GOLGB1: variants seen among roughly 807,000 people sequenced by gnomAD.
GOLGB1 encodes golgin subfamily B member 1.
Under a neutral mutation model 336.9 loss-of-function variants are expected in GOLGB1, and 174 were observed. That is an observed-to-expected ratio of 0.52 (90% CI 0.46 to 0.59). GOLGB1 has a LOEUF of 0.59. GOLGB1 is among the 20% of genes least tolerant of loss of function. GOLGB1 has a pLI of 0.00. For missense variants in GOLGB1, 3,331 were observed against 3,645.3 expected (o/e 0.91, Z 2.22); for synonymous variants, 1,208 against 1,289.2 (o/e 0.94, Z 1.35).
At chr3:121,668,379 A>C (rs1938965564) in intron 18 of GOLGB1, 1 of 374,216 alleles carries the variant, frequency 2.7e-6, no homozygotes, top group Non-Finnish European at 4.8e-6. Context: ...TTCTCCTCTT[A>C]AAAGTTAAGT....
intron 10 of GOLGB1, among the ~76,000 whole-genome samples, chr3:121,707,382 G>T (rs769750133): frequency 6.3e-4 from 96 of 152,010 alleles, no homozygotes; most frequent in Non-Finnish European, 1.1e-3. Flanking sequence ...AGCACTCTGG[G>T]AGGCCAAGGC....
chr3:121,685,392 G>A (rs556382807), intron 14 of GOLGB1, among the ~76,000 whole-genome samples: 68 of 151,996 alleles, frequency 4.5e-4, no homozygotes, highest in East Asian at 3.9e-4. Context: ...AAAATTAGCC[G>A]GGCAAGGTGG....
chr3:121,672,968 T>C (rs1939759579), intron 17 of GOLGB1, among the ~76,000 whole-genome samples: 1 of 152,214 alleles, frequency 6.6e-6, no homozygotes, highest in Non-Finnish European at 1.5e-5. Context: ...GGGTTTCTAA[T>C]TGTTTCATTG....
At chr3:121,709,216 G>A (rs1346923316) in intron 10 of GOLGB1, among the ~76,000 whole-genome samples, 1 of 152,138 alleles carries the variant, frequency 6.6e-6, no homozygotes, top group Non-Finnish European at 1.5e-5. Context: ...ATTAAAAGGA[G>A]AAACAGACAA....
At position 121,697,943 on chromosome 3, in the gene GOLGB1, C is replaced by G; in HGVS notation, c.2580G>C (p.Arg860Ser). The G allele has an allele frequency of 1.2e-6, 2 of 1,614,106 alleles. No homozygotes were observed. The highest frequency in any genetic ancestry group is 1.7e-6 in the Non-Finnish European group (2 of 1,179,978). ...SEVLEGAERV[R>S]HISSKVEELS... ...GTTCTTCCACTTTACTTGAGATATG[C>G]CTTACACGTTCTGCCCCCTCAAGCA... The change falls in exon 13 of 22, where the codon AGG (arginine) becomes AGC (serine). Residue 860 changes from arginine to serine, a missense_variant. Transcript: ENST00000614479.
At chr3:121,743,518 C>T (rs185532447) in intron 1 of GOLGB1, among the ~76,000 whole-genome samples, 96 of 152,132 alleles carry the variant, frequency 6.3e-4, no homozygotes, top group South Asian at 2.1e-3. Context: ...ATGTAAATGA[C>T]GAGTTGATGG....
chr3:121,719,220 A>AT, intron 7 of GOLGB1, among the ~76,000 whole-genome samples: 1 of 152,184 alleles, frequency 6.6e-6, no homozygotes, highest in East Asian at 1.9e-4. Flanking sequence ...ATCTACTCAA[A>AT]TTTTTTTAAA....
chr3:121,665,016 T>C lies in GOLGB1; in HGVS notation c.9570A>G (p.Glu3190=). 2 of 1,603,898 alleles carry C rather than the reference T, an allele frequency of 1.2e-6. No homozygotes were observed. The highest frequency in any genetic ancestry group is 1.7e-6 in the Non-Finnish European group (2 of 1,170,670). Residue 3190 remains glutamate, a synonymous_variant, in exon 21 of 22, where the codon GAA becomes GAG. Coordinates refer to ENST00000614479, the MANE Select transcript of GOLGB1 (RefSeq NM_001366282.2). ...EEQIRRLEHS[E]WDSSRTPIIG... ...TGATAGGAGTCCGGGAAGAGTCCCA[T>C]TCACTGTGCTCTAACCTGAGTTGAG...
In GOLGB1 at chr3:121,722,252, AG is replaced by A. The variant is rs1443172310; in HGVS notation, c.648+9del. On this transcript the variant is annotated intron_variant, in intron 6 of 21. Coordinates refer to ENST00000614479, the MANE Select transcript of GOLGB1 (RefSeq NM_001366282.2). Reference sequence around the variant, plus strand: ...CATAGCTCTTTATCCTAATTTTGTGAGGTCCCTACCTGTGCAGCTTGCTCTG... The same window carrying A: ...CATAGCTCTTTATCCTAATTTTGTGAGTCCCTACCTGTGCAGCTTGCTCTG... The A allele has an allele frequency of 1.4e-6, 2 of 1,477,928 alleles. No individual in the cohort carries two copies. Among genetic ancestry groups the A allele is most frequent in the African/African-American group, 1.4e-5 (1 of 72,186 alleles). 91.6% of individuals were successfully genotyped at this position (1,477,928 alleles called of 1,614,324 possible).
intron 4 of GOLGB1, 199 bp downstream of exon 4, chr3:121,728,989 T>C (rs993947304): frequency 2.5e-6 from 1 of 393,406 alleles, no homozygotes; most frequent in East Asian, 3.8e-5. Context: ...TTCATATCCA[T>C]GTTTTCTGTA....
At chr3:121,737,423 C>T (rs1319822400) in intron 1 of GOLGB1, among the ~76,000 whole-genome samples, 5 of 152,104 alleles carry the variant, frequency 3.3e-5, no homozygotes, top group South Asian at 4.1e-4. Context: ...GAGGCTGAGG[C>T]GGGTGGATCA....
At chr3:121,747,150 TTATATA>T (rs548032779) in intron 1 of GOLGB1, among the ~76,000 whole-genome samples, 2,823 of 49,472 alleles carry the variant, frequency 0.057, 78 homozygotes, top group Non-Finnish European at 0.072. Flanking sequence ...TACATGGATG[TTATATA>T]TATATATATA....
intron 1 of GOLGB1, among the ~76,000 whole-genome samples, chr3:121,740,183 T>C (rs994869777): frequency 6.6e-6 from 1 of 152,146 alleles, no homozygotes; most frequent in African/African-American, 2.4e-5. Context: ...GATATAACAC[T>C]GCAAAACTTA....
In GOLGB1 at chr3:121,697,824, G is replaced by A. The variant is rs1943080256; in HGVS notation, c.2699C>T (p.Thr900Ile). Residue 900 changes from threonine (T) to isoleucine (I), a missense_variant, in exon 13 of 22, where the codon ACC (threonine) becomes ATC (isoleucine). Thr to Ile is a moderately conservative substitution (Grantham distance 89). Transcript: ENST00000614479. ...KKRDVETLQQ[T>I]IEEKDQQVTE... ...CACTTGTTGATCCTTCTCCTCGATG[G>A]TTTGTTGGAGGGTTTCCACATCTCT... 1.2e-6 allele frequency: 2 copies of A among 1,614,002 alleles called. No homozygotes were observed. The highest frequency in any genetic ancestry group is 1.3e-5 in the African/African-American group (1 of 75,022).
At chr3:121,684,178 G>GA (rs1256312086) in intron 14 of GOLGB1, among the ~76,000 whole-genome samples, 2 of 57,826 alleles carry the variant, frequency 3.5e-5, no homozygotes, top group Non-Finnish European at 7.3e-5. Flanking sequence ...ATGAGACACA[G>GA]AAAAAAAATC....
chr3:121,684,195 A>C (rs961882480), intron 14 of GOLGB1, among the ~76,000 whole-genome samples: 1 of 149,648 alleles, frequency 6.7e-6, no homozygotes, highest in Admixed American at 6.6e-5. Context: ...AATCCTTAGA[A>C]ATTAAGAATA....
intron 17 of GOLGB1, 145 bp from the exon 18 acceptor site, chr3:121,669,500 G>C: frequency 2.0e-6 from 1 of 493,778 alleles, no homozygotes; most frequent in Admixed American, 5.9e-5. Context: ...TGCCTTCAAA[G>C]TTGGAAAAAG....
chr3:121,690,973 C>T lies in GOLGB1; in HGVS notation c.8391G>A (p.Met2797Ile), dbSNP rs758712136. 6.2e-7 allele frequency: 1 copy of T among 1,614,120 alleles called. No individual in the cohort carries two copies. Among genetic ancestry groups the T allele is most frequent in the Admixed American group, 1.7e-5 (1 of 60,018 alleles). Residue 2797 changes from methionine (M) to isoleucine (I), a missense_variant, in exon 14 of 22, where the codon ATG becomes ATA. Coordinates refer to ENST00000614479, the MANE Select transcript of GOLGB1 (RefSeq NM_001366282.2). Reference sequence around the variant, plus strand: ...ACAAGCTATTCTCCTCAGTGGAGTTCATTGAAAAGGCGGTTTCAGAAAGAA... The same window carrying T: ...ACAAGCTATTCTCCTCAGTGGAGTTTATTGAAAAGGCGGTTTCAGAAAGAA... ...DALLSETAFS[M>I]NSTEENSLSH...
chr3:121,695,006 TTCA>T lies in GOLGB1; in HGVS notation c.5514_5516del (p.Asp1838del). 1.2e-6 allele frequency: 2 copies of T among 1,614,046 alleles called. No individual in the cohort carries two copies. The highest frequency in any genetic ancestry group is 8.5e-7 in the Non-Finnish European group (1 of 1,179,936). Reference sequence around the variant, plus strand: ...CAATCTGCTGTAGGTAGTTATTAATTTCATCATGTGAGCTGAAATCCTTACTTA... The same window carrying T: ...CAATCTGCTGTAGGTAGTTATTAATTTCATGTGAGCTGAAATCCTTACTTA... On this transcript the variant is annotated inframe_deletion, in exon 13 of 22. Coordinates refer to ENST00000614479, the MANE Select transcript of GOLGB1 (RefSeq NM_001366282.2).
Sources: allele counts gnomAD v4.1 joint callset (sites outside exome capture counted in the v4.1 genomes callset), GRCh38; gene constraint gnomAD v4.1.1; transcripts MANE v1.5; gene names NCBI Gene and HGNC (gene_info 2026-07-23, HGNC 2026-07-21).